Variants in SRPK2 observed in about 807,000 individuals in gnomAD.
SRPK2 encodes the protein SFRS protein kinase 2.
SRPK2 carries 21 observed loss-of-function variants against 90.8 expected under a neutral mutation model. The observed-to-expected ratio is 0.23, with a 90% CI of 0.16 to 0.33. The LOEUF (loss-of-function observed/expected upper bound fraction) is 0.33, where lower values mean the gene tolerates loss of function less well. Ranked by LOEUF, SRPK2 falls within the 10% of genes least tolerant of loss-of-function variation. The probability of loss-of-function intolerance (pLI) is 1.00; values close to 1 mark genes in which losing one functional copy is unlikely to be tolerated. For missense variants in SRPK2, 620 were observed against 869.0 expected, an observed-to-expected ratio of 0.71 and a Z score of 3.60; for synonymous variants, 288 against 311.1, an observed-to-expected ratio of 0.93 and a Z score of 0.78.
chr7:105,246,102 T>C (rs1385377192), intron 2 of SRPK2, among the ~76,000 whole-genome samples: 1 of 152,168 alleles, frequency 6.6e-6, no homozygotes, highest in Non-Finnish European at 1.5e-5. Context: ...TAGAGTAAGA[T>C]TAGGGAACTT....
chr7:105,353,753 A>T (rs1278036872), intron 2 of SRPK2, among the ~76,000 whole-genome samples: 2 of 152,194 alleles, frequency 1.3e-5, no homozygotes, highest in Non-Finnish European at 2.9e-5. Flanking sequence ...CTGAGCTGAT[A>T]GGAGGGGATC....
chr7:105,244,681 C>T, intron 2 of SRPK2: 1 of 1,120,472 alleles, frequency 8.9e-7, no homozygotes, highest in Non-Finnish European at 1.3e-6. Flanking sequence ...TGGCCGTGGG[C>T]CTCAACAAGG....
chr7:105,214,055 G>T (rs773157033), intron 2 of SRPK2, among the ~76,000 whole-genome samples: 6 of 152,186 alleles, frequency 3.9e-5, no homozygotes, highest in Non-Finnish European at 7.3e-5. Flanking sequence ...TAATTAAAAT[G>T]GAATAAAATT....
rs550427209 is a variant in SRPK2 at position 105,302,066 on chromosome 7, G to T, written c.71+86582C>A. 4.6e-5 allele frequency: 72 copies of T among 1,561,782 alleles called. No individual in the cohort carries two copies. In the African/African-American group the frequency reaches 9.6e-4, roughly 21 times the overall value. On this transcript the variant is annotated intron_variant, in intron 2 of 15. Transcript: ENST00000393651. ...TGTTGTGAAGCATTTAAGCAAAACTGGCTCTAAGGATGATGAGTAGCACTT... is the reference window on the plus strand; with the variant it reads ...TGTTGTGAAGCATTTAAGCAAAACTTGCTCTAAGGATGATGAGTAGCACTT...
chr7:105,367,982 G>A (rs1268251287), intron 2 of SRPK2, among the ~76,000 whole-genome samples: 2 of 152,120 alleles, frequency 1.3e-5, no homozygotes, highest in African/African-American at 2.4e-5. Flanking sequence ...ACGCTTTTCA[G>A]TAATGGGATT....
intron 3 of SRPK2, among the ~76,000 whole-genome samples, chr7:105,174,264 ACT>A (rs1585051927): frequency 6.6e-6 from 1 of 151,798 alleles, no homozygotes; most frequent in East Asian, 1.9e-4. Context: ...AAATTTTAAA[ACT>A]CTCCTTTTTA....
intron 2 of SRPK2, among the ~76,000 whole-genome samples, chr7:105,372,724 T>A (rs1341382772): frequency 6.6e-6 from 1 of 152,234 alleles, no homozygotes; most frequent in African/African-American, 2.4e-5. Flanking sequence ...TGATTTTTTT[T>A]AATATTGCCT....
At chr7:105,133,246 G>C (rs1448190160) in intron 11 of SRPK2, 142 bp from the exon 12 acceptor site, 1 of 777,322 alleles carries the variant, frequency 1.3e-6, no homozygotes, top group Non-Finnish European at 2.1e-6. Flanking sequence ...AATTAAACTT[G>C]ACAGAACTAA....
intron 2 of SRPK2, among the ~76,000 whole-genome samples, chr7:105,345,998 C>T (rs555507904): frequency 6.6e-6 from 1 of 152,326 alleles, no homozygotes; most frequent in Non-Finnish European, 1.5e-5. Context: ...TTCCCTCTCT[C>T]TGCTGACTAG....
At chr7:105,327,236 T>A (rs1435729449) in intron 2 of SRPK2, among the ~76,000 whole-genome samples, 1 of 151,808 alleles carries the variant, frequency 6.6e-6, no homozygotes, top group Non-Finnish European at 1.5e-5. Flanking sequence ...GGGGAAAAAA[T>A]CAATGGAATA....
chr7:105,308,476 T>TA (rs769117096), intron 2 of SRPK2, among the ~76,000 whole-genome samples: 2 of 152,186 alleles, frequency 1.3e-5, no homozygotes, highest in Non-Finnish European at 1.5e-5. Flanking sequence ...GGGATTTCCT[T>TA]AAAGAATGAT....
chr7:105,304,896 G>C (rs923269928), intron 2 of SRPK2, among the ~76,000 whole-genome samples: 1 of 152,072 alleles, frequency 6.6e-6, no homozygotes, highest in Non-Finnish European at 1.5e-5. Flanking sequence ...CTAAAAGAAA[G>C]ACTAAAAGCC....
rs148396459 is a variant in SRPK2, at chr7:105,138,365, G to A, written c.1543+3643C>T. Among the ~76,000 whole-genome samples the A allele has an allele frequency of 2.2e-3, 337 of 152,304 alleles. 1 individual carries two copies. Among genetic ancestry groups the A allele is most frequent in the African/African-American group, 7.8e-3 (325 of 41,562 alleles). On this transcript the variant is annotated intron_variant, in intron 11 of 15. Transcript: ENST00000393651. ...AAGCATGGCCAGCAGGAGCAGAGGGGAAAGAGAAGTAAGCCTGCTGGGGAT... is the reference window on the plus strand; with the variant it reads ...AAGCATGGCCAGCAGGAGCAGAGGGAAAAGAGAAGTAAGCCTGCTGGGGAT...
chr7:105,279,150 C>A (rs939467936), intron 2 of SRPK2, among the ~76,000 whole-genome samples: 1 of 151,008 alleles, frequency 6.6e-6, no homozygotes. Flanking sequence ...ACACAGTGCC[C>A]ACAGACTATG....
intron 2 of SRPK2, among the ~76,000 whole-genome samples, chr7:105,274,191 A>T (rs561016291): frequency 6.6e-6 from 1 of 152,312 alleles, no homozygotes; most frequent in East Asian, 1.9e-4. Context: ...AGTATGTTTT[A>T]TCTAAGTTCC....
chr7:105,202,161 G>C (rs1389609333), intron 3 of SRPK2, among the ~76,000 whole-genome samples: 2 of 152,216 alleles, frequency 1.3e-5, no homozygotes, highest in Admixed American at 1.3e-4. Flanking sequence ...ACCTATGAAA[G>C]AATCAGGTTA....
chr7:105,373,391 T>TAAC (rs1563302818), intron 2 of SRPK2, among the ~76,000 whole-genome samples: 10 of 147,398 alleles, frequency 6.8e-5, no homozygotes, highest in Non-Finnish European at 1.5e-4. Flanking sequence ...AAAAAAAAAT[T>TAAC]TTTTTTCTTT....
intron 2 of SRPK2, among the ~76,000 whole-genome samples, chr7:105,236,568 T>G (rs1045457017): frequency 5.9e-5 from 9 of 152,146 alleles, no homozygotes; most frequent in Admixed American, 6.5e-5. Flanking sequence ...GAAATAGGTT[T>G]CAGGACAATA....
At chr7:105,150,061 C>A (rs539870947) in intron 7 of SRPK2, among the ~76,000 whole-genome samples, 10 of 151,164 alleles carry the variant, frequency 6.6e-5, no homozygotes, top group Non-Finnish European at 5.9e-5. Flanking sequence ...AAAAAAAAAA[C>A]CAAGATGAAT....
Sources: allele counts gnomAD v4.1 joint callset (sites outside exome capture counted in the v4.1 genomes callset), GRCh38; gene constraint gnomAD v4.1.1; transcripts MANE v1.5; gene names NCBI Gene and HGNC (gene_info 2026-07-23, HGNC 2026-07-21).